Variants in NBEAL1 observed in about 807,000 individuals in gnomAD.
NBEAL1 encodes neurobeachin-like protein 1.
Under a neutral mutation model 351.3 loss-of-function variants are expected in NBEAL1, and 273 were observed. That is an observed-to-expected ratio of 0.78 (90% confidence interval 0.70 to 0.86). The LOEUF is 0.86. Ranked by LOEUF, NBEAL1 falls within the 40% of genes least tolerant of loss-of-function variation. NBEAL1 has a pLI of 0.00. For synonymous variants in NBEAL1, 1,050 were observed against 1,086.4 expected, an observed-to-expected ratio of 0.97 and a Z score of 0.66; for missense variants, 2,961 against 3,201.3, an observed-to-expected ratio of 0.92 and a Z score of 1.81.
At chr2:203,173,393 A>T (rs1164852889) in intron 41 of NBEAL1, among the ~76,000 whole-genome samples, 4 of 152,160 alleles carry the variant, frequency 2.6e-5, no homozygotes, top group African/African-American at 9.6e-5. Flanking sequence ...AGCTGCCCAC[A>T]GGCAACAGAA....
Position 203,212,942 on chromosome 2 carries a change from C to T in NBEAL1, c.7935-576C>T, listed in dbSNP as rs931209125. On this transcript the variant is annotated intron_variant, in intron 54 of 55. Coordinates refer to ENST00000683969, the MANE Select transcript of NBEAL1 (RefSeq NM_001378026.1). ...AGAGCAAGACTAGAACAAATGCCCA[C>T]TGAGAGTCTGAGGCTCAGAGAACGG... Among the ~76,000 whole-genome samples, 6 of 152,148 alleles carry T rather than the reference C, an allele frequency of 3.9e-5. No homozygotes were observed. In the East Asian group the frequency reaches 1.2e-3, roughly 29 times the overall value.
At chr2:203,028,947 A>G (rs557319379) in intron 2 of NBEAL1, among the ~76,000 whole-genome samples, 3 of 152,122 alleles carry the variant, frequency 2.0e-5, no homozygotes, top group South Asian at 2.1e-4. Context: ...CTGGACCACA[A>G]TGCGCCCTTT....
At chr2:203,135,069 G>A (rs566503662) in intron 27 of NBEAL1, among the ~76,000 whole-genome samples, 3 of 151,900 alleles carry the variant, frequency 2.0e-5, no homozygotes, top group Non-Finnish European at 4.4e-5. Flanking sequence ...CCAGCTACTC[G>A]GGAGGCTGAG....
chr2:203,169,326 G>A (rs1012959769), intron 38 of NBEAL1, among the ~76,000 whole-genome samples: 1 of 145,862 alleles, frequency 6.9e-6, no homozygotes, highest in Non-Finnish European at 1.5e-5. Flanking sequence ...ATTTCTATTT[G>A]AGGTGATAAA....
rs992632488 is a variant in NBEAL1, at chr2:203,217,261, A to G, written c.8079A>G (p.Ser2693=). 2.5e-6 allele frequency: 4 copies of G among 1,590,496 alleles called. No individual in the cohort carries two copies. Among genetic ancestry groups the G allele is most frequent in the East Asian group, 4.5e-5 (2 of 44,364 alleles). Residue 2693 remains serine, a synonymous_variant, in exon 56 of 56, where the codon TCA becomes TCG. Coordinates refer to ENST00000683969, the MANE Select transcript of NBEAL1 (RefSeq NM_001378026.1). Reference sequence around the variant, plus strand: ...TGGATTACTTTACACAGATGCGTTCAGGTCAGCTTTCTCGAAAATTTTGGG... The same window carrying G: ...TGGATTACTTTACACAGATGCGTTCGGGTCAGCTTTCTCGAAAATTTTGGG... ...VGVGKPAEMR[S]GQLSRKFWGS...
intron 7 of NBEAL1, 148 bp from the exon 8 acceptor site, chr2:203,077,604 A>G (rs527525360): frequency 9.1e-5 from 38 of 419,098 alleles, no homozygotes; most frequent in African/African-American, 7.2e-4. Context: ...TTCTTTTCCT[A>G]AGACAAAATG....
chr2:203,035,218 A>G (rs996462185), intron 2 of NBEAL1, among the ~76,000 whole-genome samples: 6 of 149,302 alleles, frequency 4.0e-5, no homozygotes, highest in African/African-American at 1.5e-4. Flanking sequence ...ACATGTGACT[A>G]GTGGCCCCCA....
intron 19 of NBEAL1, 65 bp downstream of exon 19, chr2:203,122,408 T>G: frequency 9.4e-7 from 1 of 1,066,418 alleles, no homozygotes; most frequent in South Asian, 1.5e-5. Context: ...TTAAGGATTT[T>G]GTTTTTAAAG....
At chr2:203,046,080 C>T (rs984880959) in intron 3 of NBEAL1, among the ~76,000 whole-genome samples, 1 of 151,942 alleles carries the variant, frequency 6.6e-6, no homozygotes, top group Non-Finnish European at 1.5e-5. Flanking sequence ...TTTGGGAGGC[C>T]AAGGTGGGAG....
intron 12 of NBEAL1, among the ~76,000 whole-genome samples, chr2:203,104,256 ATAGT>A (rs1190468207): frequency 1.3e-5 from 2 of 152,170 alleles, no homozygotes; most frequent in Admixed American, 6.5e-5. Flanking sequence ...TATATTTAAG[ATAGT>A]TAGGTTTTGT....
At chr2:203,184,371 CA>C (rs1187761948) in intron 44 of NBEAL1, among the ~76,000 whole-genome samples, 3 of 152,112 alleles carry the variant, frequency 2.0e-5, no homozygotes, top group Non-Finnish European at 4.4e-5. Flanking sequence ...GCGGAGGTGA[CA>C]ATGAGCTGAG....
intron 4 of NBEAL1, 97 bp from the exon 5 acceptor site, chr2:203,056,330 T>C: frequency 1.4e-6 from 1 of 703,992 alleles, no homozygotes; most frequent in Non-Finnish European, 2.5e-6. Context: ...TTGCATTTTG[T>C]TTGCCAGCAT....
Position 203,209,143 on chromosome 2 carries a change from G to T in NBEAL1, c.7624-18G>T, listed in dbSNP as rs1224023854. 3 of 1,583,082 alleles carry T rather than the reference G, an allele frequency of 1.9e-6. No homozygotes were observed. The highest frequency in any genetic ancestry group is 1.7e-4 in the Middle Eastern group (1 of 5,948). On this transcript the variant is annotated intron_variant, in intron 52 of 55. Coordinates refer to ENST00000683969, the MANE Select transcript of NBEAL1 (RefSeq NM_001378026.1). ...TTTTCCTTTGTCTTTTTCATTTTCT[G>T]ATATATCCTGTGTGTAGGATGGAAC...
rs1054834194 is a variant in NBEAL1, at chr2:203,220,209, A to G, written c.*2855A>G. The stretch of plus-strand genomic sequence containing the variant: ...TCTTACAAAGTCTGTTACCTGGCCA[A>G]TTGTGGTGGCTCACGCCTATAATCC... On this transcript the variant is annotated 3_prime_UTR_variant, in exon 56 of 56. Transcript: ENST00000683969. Among the ~76,000 whole-genome samples the G allele has an allele frequency of 1.4e-4, 21 of 152,084 alleles. No individual in the cohort carries two copies. Among genetic ancestry groups the G allele is most frequent in the Non-Finnish European group, 7.4e-5 (5 of 67,988 alleles).
intron 17 of NBEAL1, among the ~76,000 whole-genome samples, chr2:203,115,602 T>A (rs1212589215): frequency 3.3e-5 from 5 of 151,860 alleles, no homozygotes; most frequent in Admixed American, 2.0e-4. Context: ...CTAATTTTGA[T>A]ATTTTTTTGT....
Position 203,208,647 on chromosome 2 carries a change from C to A in NBEAL1, c.7517C>A (p.Pro2506His). The change falls in exon 52 of 56, where the codon CCT becomes CAT. Residue 2506 changes from proline (P) to histidine (H), a missense_variant. Coordinates refer to ENST00000683969, the MANE Select transcript of NBEAL1 (RefSeq NM_001378026.1). ...CTCTTGTATTATTAGGGAGGTGTTC[C>A]TGTGGGCTTAGCATCTAAACCTTTT... is the stretch of plus-strand genomic sequence containing the variant. ...IWQITQQGGV[P>H]VGLASKPFQI... is the part of the protein sequence containing the mutation. 1 of 1,607,694 alleles carries A rather than the reference C, an allele frequency of 6.2e-7. No individual in the cohort carries two copies. Among genetic ancestry groups the A allele is most frequent in the Non-Finnish European group, 8.5e-7 (1 of 1,178,040 alleles).
At chr2:203,145,797 C>CAAAAAAAAAAAAA (rs56382460) in intron 33 of NBEAL1, among the ~76,000 whole-genome samples, 11 of 86,112 alleles carry the variant, frequency 1.3e-4, no homozygotes, top group Non-Finnish European at 2.3e-4. Flanking sequence ...GACTCCATCT[C>CAAAAAAAAAAAAA]AAAAAAAAAA....
chr2:203,141,992 T>C (rs1285446447), intron 31 of NBEAL1, among the ~76,000 whole-genome samples: 1 of 152,224 alleles, frequency 6.6e-6, no homozygotes. Context: ...TTGTATATAG[T>C]GTCTCCGGTT....
At chr2:203,136,485 A>C in intron 28 of NBEAL1, 114 bp from the exon 29 acceptor site, 2 of 847,146 alleles carry the variant, frequency 2.4e-6, no homozygotes, top group East Asian at 5.4e-5. Context: ...CAGGTTCATT[A>C]AGGACTTTAA....
Sources: allele counts gnomAD v4.1 joint callset (sites outside exome capture counted in the v4.1 genomes callset), GRCh38; gene constraint gnomAD v4.1.1; transcripts MANE v1.5; gene names NCBI Gene and HGNC (gene_info 2026-07-23, HGNC 2026-07-21).